Variants in SORCS2 observed in about 807,000 individuals in gnomAD.
SORCS2 encodes sortilin related VPS10 domain containing receptor 2.
Under a neutral mutation model 141.6 loss-of-function variants are expected in SORCS2, and 100 were observed. That is an observed-to-expected ratio of 0.71 (90% CI 0.60 to 0.83). The LOEUF is 0.83. Among genes scored for constraint, SORCS2 ranks in the 40% least tolerant of loss-of-function variants. The pLI is 0.00. For missense variants in SORCS2, 1,646 were observed against 1,560.2 expected (o/e 1.05, Z -0.93); for synonymous variants, 789 against 676.9 (o/e 1.17, Z -2.57).
At chr4:7,538,500 T>C (rs1374403811) in intron 3 of SORCS2, among the ~76,000 whole-genome samples, 1 of 152,232 alleles carries the variant, frequency 6.6e-6, no homozygotes, top group African/African-American at 2.4e-5. Flanking sequence ...GCATGGAATT[T>C]CTTCCAAGCA....
chr4:7,481,135 C>A lies in SORCS2; in HGVS notation c.549-50395C>A, dbSNP rs200859199. Among the ~76,000 whole-genome samples, 21 of 152,352 alleles carry A rather than the reference C, an allele frequency of 1.4e-4. No individual in the cohort carries two copies. The East Asian group carries it at 3.1e-3, about 22-fold the overall frequency. On this transcript the variant is annotated intron_variant, in intron 2 of 26. Coordinates refer to ENST00000507866, the MANE Select transcript of SORCS2 (RefSeq NM_020777.3). ...CCCTGTGAGCCAAGCCTTGGCCACA[C>A]ATGGCATCCTCTTTACCCAGCATGC...
intron 2 of SORCS2, among the ~76,000 whole-genome samples, chr4:7,445,469 A>G (rs1335497588): frequency 6.6e-6 from 1 of 152,124 alleles, no homozygotes; most frequent in African/African-American, 2.4e-5. Context: ...GTGATTTTGA[A>G]TCACAGCTGC....
At chr4:7,426,380 A>T (rs1374037325) in intron 2 of SORCS2, among the ~76,000 whole-genome samples, 2 of 150,894 alleles carry the variant, frequency 1.3e-5, no homozygotes, top group Non-Finnish European at 3.0e-5. Flanking sequence ...TTCCCAGCAC[A>T]CACTGCCCCG....
intron 2 of SORCS2, among the ~76,000 whole-genome samples, chr4:7,444,446 T>C (rs930028034): frequency 5.9e-5 from 9 of 151,348 alleles, no homozygotes; most frequent in South Asian, 2.1e-4. Flanking sequence ...CTTGGAGGAG[T>C]TGAGAGAGGT....
chr4:7,413,575 A>T (rs1003225796), intron 2 of SORCS2, among the ~76,000 whole-genome samples: 1 of 151,662 alleles, frequency 6.6e-6, no homozygotes, highest in Non-Finnish European at 1.5e-5. Flanking sequence ...TTTAGTGGAG[A>T]TGGGGTTTTG....
chr4:7,729,451 G>A lies in SORCS2; in HGVS notation c.2983-136G>A, dbSNP rs141899692. 452 of 1,187,588 alleles carry A rather than the reference G, an allele frequency of 3.8e-4. 3 individuals are homozygous for A. In the African/African-American group the frequency reaches 5.6e-3, roughly 15 times the overall value. 73.6% of individuals were successfully genotyped at this position (1,187,588 alleles called of 1,614,324 possible). On this transcript the variant is annotated intron_variant, in intron 22 of 26. Coordinates refer to ENST00000507866, the MANE Select transcript of SORCS2 (RefSeq NM_020777.3). ...CCTGGGACCCTGGAAGGATCCCCACGCCATGCAGGGGTCAGGAACGGCCTG... is the reference window on the plus strand; with the variant it reads ...CCTGGGACCCTGGAAGGATCCCCACACCATGCAGGGGTCAGGAACGGCCTG...
In SORCS2 at chr4:7,469,787, A is replaced by G. The variant is rs78375495; in HGVS notation, c.549-61743A>G. On this transcript the variant is annotated intron_variant, in intron 2 of 26. Coordinates refer to ENST00000507866, the MANE Select transcript of SORCS2 (RefSeq NM_020777.3). ...CCAAGGCTGAGAACCCCTGCAAAGAATTTCTTTCCTTCTCATTGCAGGGCT... is the reference window on the plus strand; with the variant it reads ...CCAAGGCTGAGAACCCCTGCAAAGAGTTTCTTTCCTTCTCATTGCAGGGCT... Among the ~76,000 whole-genome samples, 951 of 152,320 alleles carry G rather than the reference A, an allele frequency of 6.2e-3. 15 individuals carry two copies. The highest frequency in any genetic ancestry group is 0.022 in the African/African-American group (898 of 41,562).
chr4:7,396,384 C>T (rs886451627), intron 2 of SORCS2, 29 bp downstream of exon 2: 4 of 1,610,572 alleles, frequency 2.5e-6, no homozygotes, highest in Non-Finnish European at 3.4e-6. Flanking sequence ...AGGCCTTTCT[C>T]TTATGCACCT....
chr4:7,738,287 T>A (rs1293828554), intron 26 of SORCS2, among the ~76,000 whole-genome samples: 1 of 152,216 alleles, frequency 6.6e-6, no homozygotes, highest in Non-Finnish European at 1.5e-5. Context: ...GTCGGGCAAG[T>A]GCCGCCGGCA....
chr4:7,596,559 C>T (rs150829315), intron 3 of SORCS2, among the ~76,000 whole-genome samples: 69 of 152,320 alleles, frequency 4.5e-4, no homozygotes, highest in African/African-American at 1.6e-3. Context: ...TATCTCCTTT[C>T]GTGCTAAAAC....
chr4:7,211,407 C>T (rs60511335), intron 1 of SORCS2, among the ~76,000 whole-genome samples: 8,653 of 152,088 alleles, frequency 0.057, 475 homozygotes, highest in East Asian at 0.26. Flanking sequence ...TTATTTATTT[C>T]GAGATGGAGT....
chr4:7,195,864 C>T (rs186397103), intron 1 of SORCS2, among the ~76,000 whole-genome samples: 239 of 152,308 alleles, frequency 1.6e-3, no homozygotes, highest in Admixed American at 5.2e-3. Context: ...GTCTTCTTAA[C>T]GTTTTCTTTC....
intron 1 of SORCS2, among the ~76,000 whole-genome samples, chr4:7,281,172 G>GT (rs1182929719): frequency 3.3e-5 from 5 of 152,088 alleles, no homozygotes; most frequent in African/African-American, 1.2e-4. Context: ...CTGCACAAAA[G>GT]TTTTTTCTTG....
intron 3 of SORCS2, among the ~76,000 whole-genome samples, chr4:7,609,213 G>GT (rs983554063): frequency 1.3e-4 from 20 of 152,218 alleles, no homozygotes; most frequent in Admixed American, 7.8e-4. Context: ...TCATTTGTTT[G>GT]TTTTTCCTTT....
chr4:7,727,156 G>C (rs1237901085), intron 21 of SORCS2, among the ~76,000 whole-genome samples: 1 of 152,202 alleles, frequency 6.6e-6, no homozygotes, highest in Non-Finnish European at 1.5e-5. Flanking sequence ...AGACACTCAT[G>C]GGACAGAACA....
intron 1 of SORCS2, among the ~76,000 whole-genome samples, chr4:7,295,350 C>T (rs1716973282): frequency 6.6e-6 from 1 of 151,498 alleles, no homozygotes; most frequent in African/African-American, 2.4e-5. Flanking sequence ...GACTCCTGGC[C>T]AGGACCGCAG....
At chr4:7,393,278 G>T (rs1450912111) in intron 1 of SORCS2, among the ~76,000 whole-genome samples, 1 of 152,160 alleles carries the variant, frequency 6.6e-6, no homozygotes, top group Non-Finnish European at 1.5e-5. Flanking sequence ...GGCCGGAGCT[G>T]TGTGGCCCTG....
At position 7,592,589 on chromosome 4, in the gene SORCS2, C is replaced by G. The variant is rs539264911; in HGVS notation, c.649-45739C>G. ...GCTAGGACCATGAAAAGTCCACATG[C>G]AAATCTGCGGTCTCTCCCCGTCTCA... is the stretch of plus-strand genomic sequence containing the variant. On this transcript the variant is annotated intron_variant, in intron 3 of 26. Coordinates refer to ENST00000507866, the MANE Select transcript of SORCS2 (RefSeq NM_020777.3). Among the ~76,000 whole-genome samples the G allele has an allele frequency of 3.9e-5, 6 of 152,354 alleles. No individual in the cohort carries two copies. In the South Asian group the frequency reaches 1.0e-3, roughly 26 times the overall value.
At chr4:7,676,891 C>CTTTCTCTCTCTCTCTCTCT (rs1560475781) in intron 9 of SORCS2, among the ~76,000 whole-genome samples, 3 of 32,348 alleles carry the variant, frequency 9.3e-5, no homozygotes, top group Admixed American at 4.0e-4. Context: ...CTGAAGTTGG[C>CTTTCTCTCTCTCTCTCTCT]CTCTCTCTCT....
Sources: allele counts gnomAD v4.1 joint callset (sites outside exome capture counted in the v4.1 genomes callset), GRCh38; gene constraint gnomAD v4.1.1; transcripts MANE v1.5; gene names NCBI Gene and HGNC (gene_info 2026-07-23, HGNC 2026-07-21).